The following MAP1B variants were observed in gnomAD, a reference collection of about 807,000 sequenced individuals.
MAP1B encodes the protein microtubule associated protein 1B, also known as microtubule-associated protein 1B.
Under a neutral mutation model 176.1 loss-of-function variants are expected in MAP1B, and 12 were observed. The observed-to-expected ratio is 0.07, with a 90% CI of 0.04 to 0.11. The LOEUF is 0.11. MAP1B is among the 10% of genes least tolerant of loss of function. The pLI, the probability that MAP1B is intolerant of heterozygous loss-of-function variation, is 1.00. For missense variants in MAP1B, 2,523 were observed against 2,990.5 expected, an observed-to-expected ratio of 0.84 and a Z score of 3.65; for synonymous variants, 1,044 against 1,135.0, an observed-to-expected ratio of 0.92 and a Z score of 1.61.
chr5:72,145,818 T>C (rs1259416741), intron 2 of MAP1B, among the ~76,000 whole-genome samples: 1 of 152,206 alleles, frequency 6.6e-6, no homozygotes, highest in Non-Finnish European at 1.5e-5. Flanking sequence ...TTCATCCCTA[T>C]TGTTTTAGAA....
chr5:72,115,964 T>C, intron 2 of MAP1B, 165 bp downstream of exon 2: 1 of 564,136 alleles, frequency 1.8e-6, no homozygotes, highest in Non-Finnish European at 3.2e-6. Context: ...AGGAAGTCAC[T>C]CTAGGTTATC....
chr5:72,125,202 A>G lies in MAP1B; in HGVS notation c.286+9403A>G, dbSNP rs994861137. Among the ~76,000 whole-genome samples, 3 of 151,332 alleles carry G rather than the reference A, an allele frequency of 2.0e-5. No individual in the cohort carries two copies. The Admixed American group carries it at 2.0e-4, about 10-fold the overall frequency. The stretch of plus-strand genomic sequence containing the variant: ...TTCCAGATAGTTTCCCAGCTCAAAT[A>G]CTAGGAGTTTTTGGTGGTGCAATTC... On this transcript the variant is annotated intron_variant, in intron 2 of 6. Coordinates refer to ENST00000296755, the MANE Select transcript of MAP1B (RefSeq NM_005909.5).
chr5:72,119,926 G>C (rs1745496746), intron 2 of MAP1B, among the ~76,000 whole-genome samples: 1 of 151,988 alleles, frequency 6.6e-6, no homozygotes, highest in African/African-American at 2.4e-5. Flanking sequence ...AATCATTTTG[G>C]TTAAGTCTGA....
chr5:72,150,643 G>C (rs867994260), intron 2 of MAP1B, among the ~76,000 whole-genome samples: 23 of 152,200 alleles, frequency 1.5e-4, no homozygotes, highest in African/African-American at 5.5e-4. Flanking sequence ...CTGATCCTCT[G>C]CCTCCTCCCA....
At chr5:72,138,905 T>G (rs1745888025) in intron 2 of MAP1B, among the ~76,000 whole-genome samples, 2 of 152,232 alleles carry the variant, frequency 1.3e-5, no homozygotes, top group African/African-American at 4.8e-5. Flanking sequence ...CCTTATCTTT[T>G]TCTGTGTTTT....
At chr5:72,150,874 A>G (rs1176182941) in intron 2 of MAP1B, among the ~76,000 whole-genome samples, 1 of 152,166 alleles carries the variant, frequency 6.6e-6, no homozygotes, top group Non-Finnish European at 1.5e-5. Context: ...TTGCATCCTA[A>G]TAGTGCAGCA....
At position 72,197,171 on chromosome 5, in the gene MAP1B, G is replaced by A; in HGVS notation, c.3816G>A (p.Leu1272=). ...SPPSPLEKTP[L]GERSVNFSLT... ...CATCACCCTTAGAAAAGACCCCCCT[G>A]GGTGAACGTAGTGTGAACTTCTCTC... The change falls in exon 5 of 7, where the codon CTG becomes CTA. Residue 1272 remains leucine (L), a synonymous_variant. Transcript: ENST00000296755. 2 of 1,614,186 alleles carry A rather than the reference G, an allele frequency of 1.2e-6. No individual in the cohort carries two copies. Among genetic ancestry groups the A allele is most frequent in the East Asian group, 4.5e-5 (2 of 44,882 alleles).
intron 2 of MAP1B, among the ~76,000 whole-genome samples, chr5:72,121,383 T>C (rs1745527397): frequency 3.3e-5 from 5 of 152,238 alleles, no homozygotes; most frequent in Non-Finnish European, 7.3e-5. Context: ...ATTTTGTCAC[T>C]AGTTTTATAA....
chr5:72,203,706 G>A lies in MAP1B; in HGVS notation c.7156G>A (p.Val2386Met), dbSNP rs1424774571. 3.1e-6 allele frequency: 5 copies of A among 1,613,996 alleles called. No individual in the cohort carries two copies. Among genetic ancestry groups the A allele is most frequent in the East Asian group, 2.2e-5 (1 of 44,868 alleles). ...FFKRVRSSYY[V>M]VSGNDPAAEE... ...CAAGAGAGTGCGGTCTTCCTACTAC[G>A]TGGTGAGTGGGAATGACCCTGCTGC... is the stretch of plus-strand genomic sequence containing the variant. Residue 2386 changes from valine (V) to methionine (M), a missense_variant, in exon 6 of 7, where the codon GTG (valine) becomes ATG (methionine). By Grantham distance (21) the Val-to-Met change is conservative. This residue lies in a region of MAP1B where 287 missense variants were observed against 401.5 expected (regional missense o/e 0.71). Coordinates refer to ENST00000296755, the MANE Select transcript of MAP1B (RefSeq NM_005909.5).
At chr5:72,109,032 G>T (rs1745243308) in intron 1 of MAP1B, among the ~76,000 whole-genome samples, 2 of 152,276 alleles carry the variant, frequency 1.3e-5, no homozygotes, top group Middle Eastern at 3.4e-3. Flanking sequence ...GGGCGTTCAC[G>T]CAGCCCTCGT....
chr5:72,151,093 T>C (rs534237744), intron 2 of MAP1B, among the ~76,000 whole-genome samples: 1 of 152,280 alleles, frequency 6.6e-6, no homozygotes, highest in South Asian at 2.1e-4. Flanking sequence ...AAGCCTGGCG[T>C]TGGCATCTGC....
Position 72,193,852 on chromosome 5 carries a change from TC to T in MAP1B, c.511-13del, listed in dbSNP as rs1456232177. 1.9e-6 allele frequency: 3 copies of T among 1,557,878 alleles called. No individual in the cohort carries two copies. The African/African-American group carries it at 4.1e-5, about 22-fold the overall frequency. On this transcript the variant is annotated splice_polypyrimidine_tract_variant and intron_variant, in intron 4 of 6. Coordinates refer to ENST00000296755, the MANE Select transcript of MAP1B (RefSeq NM_005909.5). ...TACACCTTTTCTTTCTTTCTTTCTT[TC>T]TTTAAAACCCAGATCGGGGAGTTAC...
chr5:72,175,056 CTTCT>C (rs974058344), intron 2 of MAP1B, among the ~76,000 whole-genome samples: 1 of 137,642 alleles, frequency 7.3e-6, no homozygotes, highest in African/African-American at 2.6e-5. Flanking sequence ...TCCCTCCTTC[CTTCT>C]ATCTTTCCTC....
chr5:72,185,001 G>A (rs187121913), intron 3 of MAP1B, among the ~76,000 whole-genome samples: 9 of 152,224 alleles, frequency 5.9e-5, no homozygotes, highest in African/African-American at 1.9e-4. Flanking sequence ...CGACAACTGC[G>A]AACCTGCCTG....
chr5:72,132,106 G>A (rs1254946368), intron 2 of MAP1B, among the ~76,000 whole-genome samples: 2 of 152,100 alleles, frequency 1.3e-5, no homozygotes, highest in African/African-American at 2.4e-5. Context: ...AAAAAATAAA[G>A]CCTGCCTTCA....
At chr5:72,152,935 C>G (rs1261409849) in intron 2 of MAP1B, among the ~76,000 whole-genome samples, 1 of 152,116 alleles carries the variant, frequency 6.6e-6, no homozygotes, top group African/African-American at 2.4e-5. Context: ...CAGGAAGCAG[C>G]AACGCAATTC....
chr5:72,112,828 T>A (rs754909611), intron 1 of MAP1B, among the ~76,000 whole-genome samples: 1 of 152,162 alleles, frequency 6.6e-6, no homozygotes, highest in Non-Finnish European at 1.5e-5. Context: ...AAACAAAGCC[T>A]CCAGGAAGAG....
chr5:72,119,419 G>A (rs1365431071), intron 2 of MAP1B, among the ~76,000 whole-genome samples: 1 of 152,198 alleles, frequency 6.6e-6, no homozygotes, highest in South Asian at 2.1e-4. Context: ...AAAAGGTTAG[G>A]TGTTCCTTTA....
rs763478943 is a variant in MAP1B at position 72,200,066 on chromosome 5, A to G, written c.6711A>G (p.Lys2237=). Reference sequence around the variant, plus strand: ...AGAACCTGGGCAAAGCTCTAAAGAAAGATCTGAAAGAGAAGACCAAAACCA... The same window carrying G: ...AGAACCTGGGCAAAGCTCTAAAGAAGGATCTGAAAGAGAAGACCAAAACCA... The part of the protein sequence containing the change: ...IEQNLGKALK[K]DLKEKTKTKK... The change falls in exon 5 of 7, where the codon AAA becomes AAG. Residue 2237 remains lysine (K), a synonymous_variant. Coordinates refer to ENST00000296755, the MANE Select transcript of MAP1B (RefSeq NM_005909.5). 3 of 1,614,232 alleles carry G rather than the reference A, an allele frequency of 1.9e-6. No homozygotes were observed. The highest frequency in any genetic ancestry group is 2.5e-6 in the Non-Finnish European group (3 of 1,180,048).
Sources: gnomAD v4.1 joint callset for allele counts (sites outside exome capture counted in the v4.1 genomes callset) on GRCh38, gnomAD v4.1.1 for gene constraint, gnomAD v4.1.1 regional missense constraint, MANE v1.5 for transcripts, NCBI Gene and HGNC (gene_info 2026-07-23, HGNC 2026-07-21) for gene names.